MTRR: variants seen among roughly 807,000 people sequenced by gnomAD.
MTRR encodes methionine synthase reductase.
A neutral mutation model predicts 79.2 loss-of-function variants in MTRR; 63 were observed. The ratio of observed to expected loss-of-function variants is 0.80; its 90% CI spans 0.65 to 0.98. The LOEUF is 0.98. Among genes scored for constraint, MTRR ranks in the 50% least tolerant of loss-of-function variants. The probability of loss-of-function intolerance (pLI) is 0.00; values close to 1 mark genes in which losing one functional copy is unlikely to be tolerated. For missense variants in MTRR, 895 were observed against 839.6 expected (o/e 1.07, Z -0.82); for synonymous variants, 355 against 313.3 (o/e 1.13, Z -1.41).
chr5:7,858,116 A>T (rs1232024876), intron 1 of MTRR, among the ~76,000 whole-genome samples: 1 of 152,160 alleles, frequency 6.6e-6, no homozygotes, highest in Admixed American at 6.5e-5. Context: ...GCTGAGTCAT[A>T]GGAAGAGGTG....
At chr5:7,861,924 C>T in intron 1 of MTRR, 1 of 346,572 alleles carries the variant, frequency 2.9e-6, no homozygotes, top group Non-Finnish European at 4.8e-6. Context: ...AAGAACCATG[C>T]ATGCTTTCTC....
chr5:7,893,773 A>C (rs1288259027), intron 11 of MTRR: 3 of 152,176 alleles, frequency 2.0e-5, no homozygotes, highest in African/African-American at 7.2e-5. Flanking sequence ...AGTGGGGATT[A>C]GGACTTCTTG....
intron 14 of MTRR, among the ~76,000 whole-genome samples, chr5:7,899,197 C>T (rs994641169): frequency 1.3e-5 from 2 of 152,110 alleles, no homozygotes; most frequent in Non-Finnish European, 2.9e-5. Flanking sequence ...CCACCAAGCC[C>T]CACTTCTAAC....
In MTRR at chr5:7,896,891, T is replaced by C. The variant is rs2126812841; in HGVS notation, c.1704T>C (p.Asp568=). The C allele has an allele frequency of 1.2e-6, 2 of 1,614,074 alleles. No homozygotes were observed. The highest frequency in any genetic ancestry group is 1.1e-5 in the South Asian group (1 of 91,074). The change falls in exon 13 of 15, where the codon GAT becomes GAC. Residue 568 remains aspartate (D), a synonymous_variant. Transcript: ENST00000440940. The stretch of plus-strand genomic sequence containing the variant: ...AGAAACTCCAAGAACAACACCCAGA[T>C]GGAAATTTTGGAGCAATGTGGTTGT... ...HREKLQEQHP[D]GNFGAMWLFF... is the part of the protein sequence containing the mutation.
chr5:7,872,318 A>C, intron 2 of MTRR: 1 of 409,238 alleles, frequency 2.4e-6, no homozygotes, highest in Non-Finnish European at 4.8e-6. Context: ...AAGACAAGGA[A>C]GTGTTCTATT....
upstream of MTRR, among the ~76,000 whole-genome samples, chr5:7,864,914 G>A (rs1746828532): frequency 6.6e-6 from 1 of 151,964 alleles, no homozygotes; most frequent in Non-Finnish European, 1.5e-5. Context: ...AGTATGACAG[G>A]ATTTGCAAGA....
chr5:7,868,277 G>C (rs759938854), upstream of MTRR: 6 of 523,002 alleles, frequency 1.1e-5, no homozygotes, highest in Admixed American at 7.4e-5. Context: ...CCTAGAGTTA[G>C]AAGAGTGGCT....
chr5:7,884,287 A>T (rs1653889925), intron 6 of MTRR, among the ~76,000 whole-genome samples: 1 of 152,180 alleles, frequency 6.6e-6, no homozygotes, highest in Non-Finnish European at 1.5e-5. Flanking sequence ...AAAAATGATT[A>T]CACTTGTCCC....
upstream of MTRR, chr5:7,867,729 T>C (rs765636666): frequency 6.2e-7 from 1 of 1,614,242 alleles, no homozygotes; most frequent in Non-Finnish European, 8.5e-7. Context: ...ATCGTGCTTA[T>C]AAAACTTAGC....
Position 7,900,242 on chromosome 5 carries a change from T to G in MTRR, c.*184T>G, listed in dbSNP as rs964445237. 5 of 685,760 alleles carry G rather than the reference T, an allele frequency of 7.3e-6. No homozygotes were observed. The East Asian group carries it at 1.2e-4, about 16-fold the overall frequency. 42.5% of individuals were successfully genotyped at this position (685,760 alleles called of 1,614,324 possible). On this transcript the variant is annotated 3_prime_UTR_variant, in exon 15 of 15. Coordinates refer to ENST00000440940, the MANE Select transcript of MTRR (RefSeq NM_002454.3). ...ACTTCCTGATTTGATTTTACGTATCTTCTATCTACGCCCTTCCTGTGCCTG... is the reference window on the plus strand; with the variant it reads ...ACTTCCTGATTTGATTTTACGTATCGTCTATCTACGCCCTTCCTGTGCCTG...
upstream of MTRR, chr5:7,867,938 TGTC>T (rs761060758): frequency 7.4e-6 from 12 of 1,614,180 alleles, no homozygotes; most frequent in Non-Finnish European, 1.0e-5. Context: ...AGGCTCAGGT[TGTC>T]GTGAACACAA....
chr5:7,885,505 TA>T (rs2126742577), intron 6 of MTRR, among the ~76,000 whole-genome samples, 195 bp from the exon 7 acceptor site: 1 of 152,090 alleles, frequency 6.6e-6, no homozygotes, highest in African/African-American at 2.4e-5. Flanking sequence ...TAGTAACTGC[TA>T]ATAATGAAAG....
chr5:7,885,600 T>C (rs1736279687), intron 6 of MTRR, 101 bp from the exon 7 acceptor site: 1 of 1,143,858 alleles, frequency 8.7e-7, no homozygotes, highest in South Asian at 1.4e-5. Context: ...AGTTCACATA[T>C]TAAAATCATA....
In MTRR at chr5:7,899,842, G is replaced by A. The variant is rs1035652630; in HGVS notation, c.1953-72G>A. The A allele has an allele frequency of 4.5e-6, 7 of 1,567,120 alleles. No individual in the cohort carries two copies. In the Admixed American group the frequency reaches 6.7e-5, roughly 15 times the overall value. On this transcript the variant is annotated intron_variant, in intron 14 of 14. Coordinates refer to ENST00000440940, the MANE Select transcript of MTRR (RefSeq NM_002454.3). ...ATGGTGGTACAGTCAAAAGGAATTA[G>A]ACTTGTGAATTAAGGAGGATTTACT...
At chr5:7,850,962 C>T (rs770834110), upstream of MTRR, 1 of 1,327,776 alleles carries the variant, frequency 7.5e-7, no homozygotes, top group Non-Finnish European at 9.6e-7. Flanking sequence ...CCGAGACGGG[C>T]GGCGGCCTGG....
intron 6 of MTRR, 115 bp downstream of exon 6, chr5:7,883,392 G>A (rs1222247677): frequency 1.5e-6 from 2 of 1,376,288 alleles, no homozygotes; most frequent in African/African-American, 1.5e-5. Flanking sequence ...CATATGCTGA[G>A]TTGTGTGCGG....
intron 8 of MTRR, among the ~76,000 whole-genome samples, chr5:7,887,217 G>C (rs944954930): frequency 6.6e-6 from 1 of 152,134 alleles, no homozygotes; most frequent in African/African-American, 2.4e-5. Flanking sequence ...AAAAATGGAA[G>C]GGTTTTGGTA....
chr5:7,891,219 C>A, intron 9 of MTRR, 153 bp from the exon 10 acceptor site: 1 of 576,690 alleles, frequency 1.7e-6, no homozygotes, highest in South Asian at 2.6e-5. Flanking sequence ...TTTACTTGAA[C>A]ACAAAGTTCA....
At chr5:7,866,828 T>C (rs138946599), upstream of MTRR, 41 of 1,614,014 alleles carry the variant, frequency 2.5e-5, no homozygotes, top group African/African-American at 6.7e-5. Flanking sequence ...TGGCAAATAA[T>C]TGAGTTTCCC....
Sources: allele counts gnomAD v4.1 joint callset (sites outside exome capture counted in the v4.1 genomes callset), GRCh38; gene constraint gnomAD v4.1.1; transcripts MANE v1.5; gene names NCBI Gene and HGNC (gene_info 2026-07-23, HGNC 2026-07-21).